MAGI3: variants seen among roughly 807,000 people sequenced by gnomAD.
The protein encoded by MAGI3 is membrane-associated guanylate kinase, WW and PDZ domain-containing protein 3.
MAGI3 carries 43 observed loss-of-function variants against 121.8 expected under a neutral mutation model. The ratio of observed to expected loss-of-function variants is 0.35; its 90% CI spans 0.28 to 0.46. MAGI3 has a LOEUF of 0.46. MAGI3 is among the 20% of genes least tolerant of loss of function. The pLI is 1.00. For synonymous variants in MAGI3, 553 were observed against 639.3 expected (o/e 0.86, Z 2.04); for missense variants, 1,547 against 1,797.3 (o/e 0.86, Z 2.52).
At chr1:113,416,361 T>C (rs57898675) in intron 1 of MAGI3, among the ~76,000 whole-genome samples, 6 of 127,984 alleles carry the variant, frequency 4.7e-5, no homozygotes, top group Non-Finnish European at 9.5e-5. Flanking sequence ...TATATTAATT[T>C]ATATTATATT....
At chr1:113,622,480 T>G (rs1183491516) in intron 8 of MAGI3, among the ~76,000 whole-genome samples, 1 of 152,224 alleles carries the variant, frequency 6.6e-6, no homozygotes, top group African/African-American at 2.4e-5. Flanking sequence ...AGCTGTGAAT[T>G]ATAAAAATTC....
chr1:113,639,073 T>A (rs1228723116), intron 9 of MAGI3, among the ~76,000 whole-genome samples: 3 of 152,236 alleles, frequency 2.0e-5, no homozygotes. Context: ...CGCCGTTTTT[T>A]AAGCCCATCA....
chr1:113,396,262 A>G (rs150492215), intron 1 of MAGI3, among the ~76,000 whole-genome samples: 19 of 148,046 alleles, frequency 1.3e-4, no homozygotes, highest in East Asian at 4.0e-4. Context: ...TTATTTACCA[A>G]TTTCAAAATC....
At chr1:113,536,491 G>C (rs964951300) in intron 1 of MAGI3, among the ~76,000 whole-genome samples, 1 of 152,106 alleles carries the variant, frequency 6.6e-6, no homozygotes, top group African/African-American at 2.4e-5. Flanking sequence ...TCATGATCCT[G>C]TTACCTAAGC....
chr1:113,460,283 G>C (rs1465153848), intron 1 of MAGI3, among the ~76,000 whole-genome samples: 1 of 152,038 alleles, frequency 6.6e-6, no homozygotes, highest in Middle Eastern at 3.2e-3. Context: ...AAAATAATAA[G>C]AGCCATCTAT....
intron 1 of MAGI3, among the ~76,000 whole-genome samples, chr1:113,469,061 C>A (rs1284955835): frequency 6.6e-6 from 1 of 152,114 alleles, no homozygotes; most frequent in Non-Finnish European, 1.5e-5. Context: ...CACACTTGCA[C>A]ATACAGGAAG....
intron 1 of MAGI3, among the ~76,000 whole-genome samples, chr1:113,401,296 T>C (rs749700878): frequency 6.6e-6 from 1 of 152,140 alleles, no homozygotes; most frequent in Non-Finnish European, 1.5e-5. Context: ...TTCTGAATTG[T>C]TTGCGTGGGT....
At chr1:113,556,453 G>A (rs1356573756) in intron 2 of MAGI3, among the ~76,000 whole-genome samples, 1 of 151,960 alleles carries the variant, frequency 6.6e-6, no homozygotes, top group African/African-American at 2.4e-5. Context: ...TGGGCAAATA[G>A]TGAGACTCTG....
chr1:113,563,542 G>A (rs1241821519), intron 2 of MAGI3, among the ~76,000 whole-genome samples: 1 of 152,090 alleles, frequency 6.6e-6, no homozygotes, highest in African/African-American at 2.4e-5. Flanking sequence ...AAGTTCAGTG[G>A]CACACCTGCA....
chr1:113,679,708 G>GTT (rs1648096552), intron 19 of MAGI3, among the ~76,000 whole-genome samples: 1 of 136,006 alleles, frequency 7.4e-6, no homozygotes. Flanking sequence ...CCTGAAAAAT[G>GTT]ATTTTTTTTT....
At chr1:113,612,423 T>G (rs1650213241) in intron 6 of MAGI3, among the ~76,000 whole-genome samples, 1 of 152,074 alleles carries the variant, frequency 6.6e-6, no homozygotes, top group Non-Finnish European at 1.5e-5. Flanking sequence ...TTTCTAATTT[T>G]TATTTCTGCA....
At chr1:113,546,447 C>T (rs1659537494) in intron 1 of MAGI3, among the ~76,000 whole-genome samples, 1 of 152,108 alleles carries the variant, frequency 6.6e-6, no homozygotes, top group Admixed American at 6.5e-5. Context: ...AGCGATTCTC[C>T]TGCCTCAGCC....
At chr1:113,593,013 AAAAC>A (rs1043261205) in intron 5 of MAGI3, among the ~76,000 whole-genome samples, 3 of 152,124 alleles carry the variant, frequency 2.0e-5, no homozygotes, top group African/African-American at 4.8e-5. Context: ...CTCTGTCTCA[AAAAC>A]AAACAAACAA....
At chr1:113,596,491 G>A (rs905484791) in intron 6 of MAGI3, among the ~76,000 whole-genome samples, 2 of 152,076 alleles carry the variant, frequency 1.3e-5, no homozygotes, top group Non-Finnish European at 2.9e-5. Flanking sequence ...TTAATATTTT[G>A]CATGTAATAG....
intron 1 of MAGI3, among the ~76,000 whole-genome samples, chr1:113,482,811 C>T (rs1336131223): frequency 6.6e-6 from 1 of 151,696 alleles, no homozygotes; most frequent in African/African-American, 2.4e-5. Flanking sequence ...CTAAGATCCC[C>T]CTTTTTTTTT....
chr1:113,417,751 G>A (rs1652529685), intron 1 of MAGI3, among the ~76,000 whole-genome samples: 1 of 151,868 alleles, frequency 6.6e-6, no homozygotes, highest in Non-Finnish European at 1.5e-5. Context: ...TTACTTGTCT[G>A]TCCCGTTAGT....
rs932656746 is a variant in MAGI3 at position 113,488,390 on chromosome 1, G to T, written c.317-61125G>T. ...CTCTGCAGGATGGTCTTGCCCATCA[G>T]ATGAGGCAGGTCCAACCTGAGCGCC... On this transcript the variant is annotated intron_variant, in intron 1 of 20. Transcript: ENST00000307546. Among the ~76,000 whole-genome samples, 13 of 152,358 alleles carry T rather than the reference G, an allele frequency of 8.5e-5. No individual in the cohort carries two copies. The South Asian group carries it at 1.4e-3, about 17-fold the overall frequency.
chr1:113,511,710 TGG>T (rs1030421719), intron 1 of MAGI3, among the ~76,000 whole-genome samples: 1 of 152,232 alleles, frequency 6.6e-6, no homozygotes, highest in African/African-American at 2.4e-5. Context: ...ATTAAAAGAT[TGG>T]GTCAGATCAT....
At chr1:113,543,346 A>C (rs1659377493) in intron 1 of MAGI3, among the ~76,000 whole-genome samples, 1 of 152,244 alleles carries the variant, frequency 6.6e-6, no homozygotes, top group South Asian at 2.1e-4. Flanking sequence ...CCTACTTTAA[A>C]GACTCATAGA....
Sources: allele counts gnomAD v4.1 joint callset (sites outside exome capture counted in the v4.1 genomes callset), GRCh38; gene constraint gnomAD v4.1.1; transcripts MANE v1.5; gene names NCBI Gene and HGNC (gene_info 2026-07-23, HGNC 2026-07-21).